CNTN6: variants seen among roughly 807,000 people sequenced by gnomAD.
CNTN6 encodes contactin 6.
CNTN6 carries 137 observed loss-of-function variants against 122.8 expected under a neutral mutation model. That is an observed-to-expected ratio of 1.12 (90% CI 0.97 to 1.29). The LOEUF (loss-of-function observed/expected upper bound fraction) is 1.29, where lower values mean the gene tolerates loss of function less well. Ranked by LOEUF, CNTN6 falls within the 50% of genes most tolerant of loss-of-function variation. The probability of loss-of-function intolerance (pLI) is 0.00; values close to 1 mark genes in which losing one functional copy is unlikely to be tolerated. For synonymous variants in CNTN6, 570 were observed against 426.0 expected, an observed-to-expected ratio of 1.34 and a Z score of -4.16; for missense variants, 1,634 against 1,223.4, an observed-to-expected ratio of 1.34 and a Z score of -5.01.
At chr3:1,343,061 G>C (rs1341863249) in intron 11 of CNTN6, among the ~76,000 whole-genome samples, 1 of 152,098 alleles carries the variant, frequency 6.6e-6, no homozygotes, top group Non-Finnish European at 1.5e-5. Context: ...TCAAGATGAT[G>C]AAGAACTTTA....
chr3:1,312,780 T>C (rs1699566542), intron 7 of CNTN6, among the ~76,000 whole-genome samples: 2 of 151,898 alleles, frequency 1.3e-5, no homozygotes, highest in East Asian at 1.9e-4. Flanking sequence ...TAGAGCTCCA[T>C]GTCTGTGGAA....
intron 1 of CNTN6, among the ~76,000 whole-genome samples, chr3:1,136,106 A>C (rs1171039622): frequency 1.3e-5 from 2 of 152,190 alleles, no homozygotes; most frequent in Non-Finnish European, 2.9e-5. Context: ...AAAATTTAAT[A>C]AGTTAATCCC....
chr3:1,094,267 T>TC (rs1222958206), intron 1 of CNTN6, among the ~76,000 whole-genome samples: 2 of 152,268 alleles, frequency 1.3e-5, no homozygotes, highest in Non-Finnish European at 2.9e-5. Context: ...AGACTCTTTT[T>TC]CCCTCCTCCT....
At chr3:1,337,397 C>T (rs1026094358) in intron 11 of CNTN6, among the ~76,000 whole-genome samples, 1 of 152,082 alleles carries the variant, frequency 6.6e-6, no homozygotes, top group South Asian at 2.1e-4. Flanking sequence ...TTTGCCTTTA[C>T]CCCCAAGTGC....
intron 12 of CNTN6, among the ~76,000 whole-genome samples, chr3:1,361,754 A>T (rs1379927265): frequency 1.3e-5 from 2 of 152,172 alleles, no homozygotes; most frequent in Non-Finnish European, 2.9e-5. Context: ...TAAAATATTT[A>T]AAAATGAACA....
At chr3:1,212,344 G>A (rs542452954) in intron 2 of CNTN6, among the ~76,000 whole-genome samples, 1 of 149,808 alleles carries the variant, frequency 6.7e-6, no homozygotes, top group East Asian at 2.0e-4. Flanking sequence ...GATTACAGGT[G>A]TGAGCCACCA....
At chr3:1,233,220 C>A (rs1378068668) in intron 4 of CNTN6, among the ~76,000 whole-genome samples, 2 of 152,056 alleles carry the variant, frequency 1.3e-5, no homozygotes, top group Non-Finnish European at 2.9e-5. Flanking sequence ...TGGTTAAATG[C>A]CAGTATTGCC....
chr3:1,345,270 C>T (rs995503540), intron 11 of CNTN6, among the ~76,000 whole-genome samples: 14 of 152,036 alleles, frequency 9.2e-5, no homozygotes, highest in Admixed American at 1.3e-4. Context: ...GCACGAACCA[C>T]CATACCCGCT....
At chr3:1,334,672 G>C (rs1702792967) in intron 11 of CNTN6, among the ~76,000 whole-genome samples, 1 of 152,070 alleles carries the variant, frequency 6.6e-6, no homozygotes, top group South Asian at 2.1e-4. Context: ...GATGGATTCA[G>C]AGTTTACAGA....
chr3:1,099,271 G>A (rs1346912389), intron 1 of CNTN6, among the ~76,000 whole-genome samples: 3 of 152,064 alleles, frequency 2.0e-5, no homozygotes, highest in Non-Finnish European at 4.4e-5. Context: ...CTAACACGGT[G>A]AAACCCCGTC....
At chr3:1,144,879 C>G (rs1055267897) in intron 1 of CNTN6, among the ~76,000 whole-genome samples, 21 of 152,132 alleles carry the variant, frequency 1.4e-4, no homozygotes, top group African/African-American at 5.1e-4. Flanking sequence ...AGAACTACAG[C>G]AAGCGGGGAC....
chr3:1,154,987 C>T (rs1388823223), intron 2 of CNTN6, among the ~76,000 whole-genome samples: 4 of 152,146 alleles, frequency 2.6e-5, no homozygotes, highest in Non-Finnish European at 2.9e-5. Context: ...GTGTGAAACA[C>T]TCTTCACATC....
chr3:1,161,419 A>G (rs1236450151), intron 2 of CNTN6, among the ~76,000 whole-genome samples: 2 of 151,112 alleles, frequency 1.3e-5, no homozygotes, highest in Non-Finnish European at 2.9e-5. Context: ...TTCTATGAAA[A>G]TCAATTGACT....
intron 4 of CNTN6, among the ~76,000 whole-genome samples, chr3:1,249,499 CTG>C (rs1317759349): frequency 6.6e-6 from 1 of 152,190 alleles, no homozygotes; most frequent in Non-Finnish European, 1.5e-5. Context: ...GGTTTTCAAA[CTG>C]TATTTCCTTG....
At chr3:1,102,615 C>T (rs541280758) in intron 1 of CNTN6, among the ~76,000 whole-genome samples, 32 of 149,748 alleles carry the variant, frequency 2.1e-4, no homozygotes, top group Admixed American at 4.7e-4. Context: ...GTAGTCCCAG[C>T]TACTCGGGAG....
chr3:1,260,701 C>T (rs1404108878), intron 4 of CNTN6, among the ~76,000 whole-genome samples: 1 of 151,866 alleles, frequency 6.6e-6, no homozygotes, highest in Non-Finnish European at 1.5e-5. Flanking sequence ...GGGGCGGTTA[C>T]CCTCATGCTG....
intron 16 of CNTN6, among the ~76,000 whole-genome samples, chr3:1,376,565 T>C (rs1225941391): frequency 2.6e-5 from 4 of 152,122 alleles, no homozygotes; most frequent in Non-Finnish European, 4.4e-5. Flanking sequence ...TAATTTTAAC[T>C]GGTAAAATAT....
At chr3:1,098,022 A>G (rs1342639470) in intron 1 of CNTN6, among the ~76,000 whole-genome samples, 1 of 151,710 alleles carries the variant, frequency 6.6e-6, no homozygotes, top group Non-Finnish European at 1.5e-5. Context: ...GGATCCAACT[A>G]GATTAAAAAT....
chr3:1,168,028 C>A (rs1311516672), intron 2 of CNTN6, among the ~76,000 whole-genome samples: 2 of 152,090 alleles, frequency 1.3e-5, no homozygotes, highest in Non-Finnish European at 2.9e-5. Context: ...TTCCCTCAGC[C>A]TCCCAAGTAG....
Sources: allele counts gnomAD v4.1 joint callset (sites outside exome capture counted in the v4.1 genomes callset), GRCh38; gene constraint gnomAD v4.1.1; transcripts MANE v1.5; gene names NCBI Gene and HGNC (gene_info 2026-07-23, HGNC 2026-07-21).